ZNF638: variants seen among roughly 807,000 people sequenced by gnomAD.
ZNF638 encodes zinc finger protein 638, also known as CTCL tumor antigen se33-1.
ZNF638 carries 46 observed loss-of-function variants against 195.6 expected under a neutral mutation model. The observed-to-expected ratio is 0.24, with a 90% CI of 0.19 to 0.30. The LOEUF is 0.30. ZNF638 is among the 10% of genes least tolerant of loss of function. The probability of loss-of-function intolerance (pLI) is 1.00; values close to 1 mark genes in which losing one functional copy is unlikely to be tolerated. For missense variants in ZNF638, 2,440 were observed against 2,325.3 expected (o/e 1.05, Z -1.01); for synonymous variants, 845 against 772.0 (o/e 1.09, Z -1.57).
chr2:71,386,016 A>G (rs769371490), intron 10 of ZNF638, among the ~76,000 whole-genome samples: 2 of 152,228 alleles, frequency 1.3e-5, no homozygotes, highest in South Asian at 2.1e-4. Context: ...CAATACTACC[A>G]TATTAAAAAA....
chr2:71,386,450 G>A (rs1028830673), intron 10 of ZNF638, among the ~76,000 whole-genome samples: 26 of 152,140 alleles, frequency 1.7e-4, no homozygotes, highest in Non-Finnish European at 1.6e-4. Context: ...ATTAAGGTTG[G>A]GAACTAAACT....
chr2:71,390,115 G>A (rs909303526), intron 10 of ZNF638, among the ~76,000 whole-genome samples: 11 of 152,290 alleles, frequency 7.2e-5, no homozygotes, highest in African/African-American at 2.4e-4. Context: ...TGCCCCCGAC[G>A]TAGAAAGGGG....
rs761314013 is a variant in ZNF638 at position 71,428,501 on chromosome 2, TTAAA to T, written c.5546-43_5546-40del. 3.3e-6 allele frequency: 5 copies of T among 1,536,314 alleles called. No individual in the cohort carries two copies. The Admixed American group carries it at 9.4e-5, about 29-fold the overall frequency. On this transcript the variant is annotated intron_variant, in intron 24 of 27. Coordinates refer to ENST00000264447, the MANE Select transcript of ZNF638 (RefSeq NM_014497.5). ...TATAATATGTTTAATTTAAAGCAAT[TTAAA>T]TACTGTTACTAGAGCAATAAATTAG...
At chr2:71,433,391 G>T (rs2080706079) in intron 27 of ZNF638, 108 bp downstream of exon 27, 2 of 787,030 alleles carry the variant, frequency 2.5e-6, no homozygotes, top group Non-Finnish European at 2.1e-6. Flanking sequence ...GAATGTTTAT[G>T]CCAGTTTATT....
At chr2:71,363,900 T>A in intron 4 of ZNF638, 54 bp from the exon 5 acceptor site, 1 of 1,545,768 alleles carries the variant, frequency 6.5e-7, no homozygotes, top group Non-Finnish European at 8.7e-7. Flanking sequence ...TTTATTATCA[T>A]TTAAATTTAC....
rs982307372 is a variant in ZNF638 at position 71,340,510 on chromosome 2, T to C, written c.-202-8243T>C. The stretch of plus-strand genomic sequence containing the variant: ...ACTACCCATTGTAATAACTGCATTC[T>C]TAAGTACCAAAGTGAATTTATATAT... On this transcript the variant is annotated intron_variant, in intron 1 of 27. Transcript: ENST00000264447. Among the ~76,000 whole-genome samples the C allele has an allele frequency of 3.9e-5, 6 of 152,364 alleles. No individual in the cohort carries two copies. The South Asian group carries it at 6.2e-4, about 16-fold the overall frequency.
intron 3 of ZNF638, among the ~76,000 whole-genome samples, chr2:71,358,615 A>C (rs2079061440): frequency 6.6e-6 from 1 of 152,208 alleles, no homozygotes; most frequent in African/African-American, 2.4e-5. Flanking sequence ...AATTTAAAAT[A>C]ACAGTATGTC....
chr2:71,399,529 T>A, intron 12 of ZNF638, 30 bp from the exon 13 acceptor site: 1 of 1,520,070 alleles, frequency 6.6e-7, no homozygotes, highest in Non-Finnish European at 9.1e-7. Flanking sequence ...ACAAGACCTT[T>A]AGAATAATGG....
At chr2:71,359,397 C>T (rs987632414) in intron 3 of ZNF638, among the ~76,000 whole-genome samples, 5 of 152,172 alleles carry the variant, frequency 3.3e-5, no homozygotes, top group South Asian at 2.1e-4. Flanking sequence ...AAGGGCATCC[C>T]GCTCTGAGGG....
At position 71,389,320 on chromosome 2, in the gene ZNF638, T is replaced by A. The variant is rs939342147; in HGVS notation, c.2378-6821T>A. 3.3e-5 allele frequency among the ~76,000 whole-genome samples: 5 copies of A among 152,314 alleles called. No homozygotes were observed. In the South Asian group the frequency reaches 8.3e-4, roughly 25 times the overall value. On this transcript the variant is annotated intron_variant, in intron 10 of 27. Transcript: ENST00000264447. Reference sequence around the variant, plus strand: ...ATGCAAGATCAGCAAGGTACTCAGGTATATGAACCCATTTCTTTTGACGCT... The same window carrying A: ...ATGCAAGATCAGCAAGGTACTCAGGAATATGAACCCATTTCTTTTGACGCT...
chr2:71,400,282 A>G (rs950966339), intron 14 of ZNF638, 102 bp downstream of exon 14: 2 of 1,100,452 alleles, frequency 1.8e-6, no homozygotes, highest in South Asian at 3.3e-5. Flanking sequence ...TTATCTCTTA[A>G]TCTGAAATTT....
chr2:71,400,655 G>C, intron 15 of ZNF638, 137 bp downstream of exon 15: 1 of 691,998 alleles, frequency 1.4e-6, no homozygotes, highest in Admixed American at 3.8e-5. Flanking sequence ...TTTAAAACAT[G>C]ATTTTTAGAA....
At chr2:71,382,560 G>C (rs139230152) in intron 10 of ZNF638, among the ~76,000 whole-genome samples, 1 of 152,084 alleles carries the variant, frequency 6.6e-6, no homozygotes, top group Non-Finnish European at 1.5e-5. Context: ...GGAAACATTC[G>C]AGCTCTTACC....
chr2:71,355,123 A>G (rs13035834), intron 2 of ZNF638, among the ~76,000 whole-genome samples: 2 of 152,106 alleles, frequency 1.3e-5, no homozygotes, highest in Admixed American at 1.3e-4. Flanking sequence ...TGCCCGCCAC[A>G]ACGCCTGGCT....
At chr2:71,365,903 G>A (rs541685256) in intron 6 of ZNF638, among the ~76,000 whole-genome samples, 197 bp downstream of exon 6, 39 of 152,238 alleles carry the variant, frequency 2.6e-4, no homozygotes, top group Non-Finnish European at 4.0e-4. Flanking sequence ...AATTTTTGTA[G>A]AGATGGGGTC....
At chr2:71,340,695 C>A (rs978121008) in intron 1 of ZNF638, among the ~76,000 whole-genome samples, 1 of 151,342 alleles carries the variant, frequency 6.6e-6, no homozygotes, top group Non-Finnish European at 1.5e-5. Flanking sequence ...TTTTGGGGGG[C>A]GGATTTTGAA....
intron 1 of ZNF638, among the ~76,000 whole-genome samples, chr2:71,345,542 A>G (rs1466248147): frequency 6.6e-6 from 1 of 152,016 alleles, no homozygotes; most frequent in Non-Finnish European, 1.5e-5. Context: ...AAAAACCAAC[A>G]TGCTTGGTTT....
In ZNF638 at chr2:71,348,682, A is replaced by T. The variant is rs1406396196; in HGVS notation, c.-202-71A>T. The T allele has an allele frequency of 5.1e-6, 7 of 1,380,446 alleles. No individual in the cohort carries two copies. In the East Asian group the frequency reaches 1.8e-4, roughly 36 times the overall value. 85.5% of individuals were successfully genotyped at this position (1,380,446 alleles called of 1,614,324 possible). A position where few individuals can be genotyped will look rare whatever the true frequency, so the allele number is the denominator to read the frequency against. ...ATGGCTTTATTTCAAAATGTTTTACACTGGCTGTAGAACCCACTTCATGAA... is the reference window on the plus strand; with the variant it reads ...ATGGCTTTATTTCAAAATGTTTTACTCTGGCTGTAGAACCCACTTCATGAA... On this transcript the variant is annotated intron_variant, in intron 1 of 27. Coordinates refer to ENST00000264447, the MANE Select transcript of ZNF638 (RefSeq NM_014497.5).
chr2:71,423,610 G>C lies in ZNF638; in HGVS notation c.4096G>C (p.Gly1366Arg). The C allele has an allele frequency of 1.9e-6, 3 of 1,614,032 alleles. No individual in the cohort carries two copies. The highest frequency in any genetic ancestry group is 2.5e-6 in the Non-Finnish European group (3 of 1,180,008). Residue 1366 changes from glycine to arginine, a missense_variant, in exon 22 of 28, where the codon GGA (glycine) becomes CGA (arginine). Transcript: ENST00000264447. Reference protein sequence around the residue: ...NTLFKAYPNKGVGQANKPDET... With the variant: ...NTLFKAYPNKRVGQANKPDET... ...TTTATTCAAGGCATACCCAAATAAAGGAGTGGGTCAGGCTAATAAGCCTGA... is the reference window on the plus strand; with the variant it reads ...TTTATTCAAGGCATACCCAAATAAACGAGTGGGTCAGGCTAATAAGCCTGA...
Sources: allele counts gnomAD v4.1 joint callset (sites outside exome capture counted in the v4.1 genomes callset), GRCh38; gene constraint gnomAD v4.1.1; transcripts MANE v1.5; gene names NCBI Gene and HGNC (gene_info 2026-07-23, HGNC 2026-07-21).